CCDC57: variants seen among roughly 807,000 people sequenced by gnomAD.
CCDC57 encodes the protein coiled-coil domain containing 57.
In CCDC57, 118 loss-of-function variants were observed where a neutral mutation model predicts 118.9. That is an observed-to-expected ratio of 0.99 (90% CI 0.86 to 1.16). The LOEUF is 1.16. Among genes scored for constraint, CCDC57 ranks in the 50% most tolerant of loss-of-function variants. The pLI is 0.00. For synonymous variants in CCDC57, 527 were observed against 532.9 expected (o/e 0.99, Z 0.15); for missense variants, 1,300 against 1,320.7 (o/e 0.98, Z 0.24).
chr17:82,112,116 G>C (rs1339580156), intron 19 of CCDC57: 1 of 152,128 alleles, frequency 6.6e-6, no homozygotes, highest in East Asian at 1.9e-4. Context: ...TGGGATTACA[G>C]GCATGCACCA....
chr17:82,202,978 T>C (rs1398592616), intron 2 of CCDC57, among the ~76,000 whole-genome samples: 2 of 152,164 alleles, frequency 1.3e-5, no homozygotes, highest in Non-Finnish European at 2.9e-5. Flanking sequence ...AACACCCTGC[T>C]CCTGGAAGAT....
rs552333086 is a variant in CCDC57, at chr17:82,188,546, G to A, written c.852-127C>T. On this transcript the variant is annotated intron_variant, in intron 7 of 19. Transcript: ENST00000665763. ...TGCTGTATGTCTGCCTCAAGGCTTC[G>A]CAGCAGCCACCTGGCCACCTGTTCC... is the stretch of plus-strand genomic sequence containing the variant. The A allele has an allele frequency of 9.4e-5, 92 of 973,830 alleles. No individual in the cohort carries two copies. In the African/African-American group the frequency reaches 1.1e-3, roughly 11 times the overall value. The allele number at this position is 973,830 out of a possible 1,614,324, so 60.3% of individuals were successfully genotyped here.
intron 14 of CCDC57, 69 bp from the exon 14 acceptor site, chr17:82,158,017 T>A (rs1221134923): frequency 1.3e-6 from 2 of 1,497,664 alleles, no homozygotes; most frequent in Non-Finnish European, 1.8e-6. Flanking sequence ...CCCTGGGCAC[T>A]GACAGGAAGC....
chr17:82,123,629 C>A (rs1237048772), intron 19 of CCDC57, among the ~76,000 whole-genome samples: 1 of 152,110 alleles, frequency 6.6e-6, no homozygotes, highest in Non-Finnish European at 1.5e-5. Context: ...AGTTTAAGAA[C>A]TAATATTTCC....
At chr17:82,197,208 C>G (rs1385407160) in intron 4 of CCDC57, among the ~76,000 whole-genome samples, 1 of 151,632 alleles carries the variant, frequency 6.6e-6, no homozygotes, top group African/African-American at 2.4e-5. Flanking sequence ...CCTCATGACA[C>G]CTGCAGAGAC....
In CCDC57 at chr17:82,151,175, C is replaced by G. The variant is rs2041979775; in HGVS notation, c.2455+385G>C. Among the ~76,000 whole-genome samples the G allele has an allele frequency of 2.1e-5, 3 of 140,962 alleles. 1 individual carries two copies. The allele number at this position is 140,962 out of a possible 152,430, so 92.5% of individuals were successfully genotyped here. A position where few individuals can be genotyped will look rare whatever the true frequency, so the allele number is the denominator to read the frequency against. Reference sequence around the variant, plus strand: ...CCTAGAACCAGGCGCACACCCAGAACCAGGCGCACACCCAGAACCAGGCGC... The same window carrying G: ...CCTAGAACCAGGCGCACACCCAGAAGCAGGCGCACACCCAGAACCAGGCGC... On this transcript the variant is annotated intron_variant, in intron 16 of 19. Transcript: ENST00000665763.
chr17:82,158,356 A>G (rs532661742), intron 14 of CCDC57, among the ~76,000 whole-genome samples: 1 of 152,292 alleles, frequency 6.6e-6, no homozygotes, highest in African/African-American at 2.4e-5. Flanking sequence ...GGCCAGAGGT[A>G]AACAGGCCAG....
chr17:82,148,699 G>T (rs2041333913), intron 16 of CCDC57, among the ~76,000 whole-genome samples: 1 of 105,934 alleles, frequency 9.4e-6, no homozygotes, highest in South Asian at 3.8e-4. Context: ...TGGTTGGGTG[G>T]GTGGGCAGAC....
rs1349168582 is a variant in CCDC57 at position 82,150,947 on chromosome 17, G to A, written c.2455+613C>T. Among the ~76,000 whole-genome samples, 10 of 53,402 alleles carry A rather than the reference G, an allele frequency of 1.9e-4. 3 individuals are homozygous for A. Among genetic ancestry groups the A allele is most frequent in the East Asian group, 4.6e-3 (2 of 438 alleles). The allele number at this position is 53,402 out of a possible 152,430, so 35.0% of individuals were successfully genotyped here. A position where few individuals can be genotyped will look rare whatever the true frequency, so the allele number is the denominator to read the frequency against. ...ACCAGGCGCACACCCAGAACCAGGC[G>A]CACACCCAGAACCTGACCTGCACCT... On this transcript the variant is annotated intron_variant, in intron 16 of 19. Transcript: ENST00000665763.
Position 82,120,158 on chromosome 17 carries a change from C to CATT in CCDC57, c.2899+7531_2899+7533dup, listed in dbSNP as rs1163215171. Among the ~76,000 whole-genome samples the CATT allele has an allele frequency of 2.0e-4, 27 of 136,078 alleles. No individual in the cohort carries two copies. The East Asian group carries it at 4.7e-3, about 23-fold the overall frequency. The allele number at this position is 136,078 out of a possible 152,430, so 89.3% of individuals were successfully genotyped here. On this transcript the variant is annotated intron_variant, in intron 19 of 19. Transcript: ENST00000665763. ...ATTGTTAACTATTTCAGTATCATTT[C>CATT]ATTATTATTATTATTATTTTTTTTT...
chr17:82,109,629 A>G (rs988986567), intron 19 of CCDC57, among the ~76,000 whole-genome samples: 1 of 152,114 alleles, frequency 6.6e-6, no homozygotes, highest in Admixed American at 6.5e-5. Flanking sequence ...AGGCTGAGGC[A>G]GGTGGATCAC....
In CCDC57 at chr17:82,118,527, G is replaced by C. The variant is rs1054712784; in HGVS notation, c.2899+9165C>G. ...CGTGGGACAGACTGTTGGGTGGCTG[G>C]TCCCTGTACCGGCTCCTGAAAGGAC... On this transcript the variant is annotated intron_variant, in intron 19 of 19. Transcript: ENST00000665763. The surrounding 1 kb of genome is among the most constrained non-coding windows in gnomAD (Gnocchi z 4.7). 1.3e-5 allele frequency among the ~76,000 whole-genome samples: 2 copies of C among 152,240 alleles called. No homozygotes were observed. Among genetic ancestry groups the C allele is most frequent in the Admixed American group, 1.3e-4 (2 of 15,284 alleles).
At chr17:82,150,915 ACCCAGAACCAGGCG>A (rs2041902471) in intron 16 of CCDC57, among the ~76,000 whole-genome samples, 1 of 91,508 alleles carries the variant, frequency 1.1e-5, no homozygotes, top group Admixed American at 1.3e-4. Flanking sequence ...CCTGACCCGC[ACCCAGAACCAGGCG>A]CACACCCAGA....
chr17:82,140,926 G>A (rs377766165), intron 16 of CCDC57, among the ~76,000 whole-genome samples: 6 of 152,138 alleles, frequency 3.9e-5, no homozygotes, highest in African/African-American at 1.2e-4. Flanking sequence ...GAAATCTGGC[G>A]GGTTCTTGGC....
chr17:82,115,675 T>G (rs944386613), intron 19 of CCDC57, among the ~76,000 whole-genome samples: 1 of 151,674 alleles, frequency 6.6e-6, no homozygotes, highest in Non-Finnish European at 1.5e-5. Flanking sequence ...CTCAGGAGGA[T>G]GAGGCAGGAG....
At chr17:82,149,529 G>A (rs2041556817) in intron 16 of CCDC57, among the ~76,000 whole-genome samples, 1 of 152,118 alleles carries the variant, frequency 6.6e-6, no homozygotes, top group Admixed American at 6.5e-5. Context: ...AGAAATGCCG[G>A]CTGCTTTGCT....
chr17:82,121,871 G>A (rs1048902858), intron 19 of CCDC57, among the ~76,000 whole-genome samples: 2 of 152,298 alleles, frequency 1.3e-5, no homozygotes, highest in South Asian at 2.1e-4. Context: ...TCTGGTTCAC[G>A]TCACTTTCAT....
chr17:82,150,355 ACACCCAGAACCTGGTG>A (rs1364968302), intron 16 of CCDC57, among the ~76,000 whole-genome samples: 5 of 143,414 alleles, frequency 3.5e-5, no homozygotes, highest in Admixed American at 7.1e-5. Flanking sequence ...AACCAGGCGC[ACACCCAGAACCTGGTG>A]CACACCCAGA....
chr17:82,139,883 A>AG (rs1325419576), intron 16 of CCDC57, among the ~76,000 whole-genome samples: 5 of 152,204 alleles, frequency 3.3e-5, no homozygotes, highest in Admixed American at 2.6e-4. Flanking sequence ...TGGAACAAGA[A>AG]CGGACCTCAC....
Sources: allele counts gnomAD v4.1 joint callset (sites outside exome capture counted in the v4.1 genomes callset), GRCh38; gene constraint gnomAD v4.1.1; non-coding constraint Gnocchi (gnomAD v3.1); transcripts MANE v1.5; gene names NCBI Gene and HGNC (gene_info 2026-07-23, HGNC 2026-07-21).